ARHGAP24: variants seen among roughly 807,000 people sequenced by gnomAD.
The protein encoded by ARHGAP24 is rho GTPase-activating protein 24.
Under a neutral mutation model 76.4 loss-of-function variants are expected in ARHGAP24, and 50 were observed. That is an observed-to-expected ratio of 0.65 (90% CI 0.52 to 0.83). ARHGAP24 has a LOEUF of 0.83. ARHGAP24 is among the 40% of genes least tolerant of loss of function. The probability of loss-of-function intolerance (pLI) is 0.00; values close to 1 mark genes in which losing one functional copy is unlikely to be tolerated. For synonymous variants in ARHGAP24, 345 were observed against 323.3 expected (o/e 1.07, Z -0.72); for missense variants, 930 against 914.2 (o/e 1.02, Z -0.22).
intron 2 of ARHGAP24, among the ~76,000 whole-genome samples, chr4:85,624,105 A>C (rs969575719): frequency 9.9e-5 from 15 of 152,128 alleles, no homozygotes; most frequent in African/African-American, 2.4e-4. Context: ...TTGCCCTGGT[A>C]AGAACTTCCA....
intron 5 of ARHGAP24, among the ~76,000 whole-genome samples, chr4:85,965,362 C>T (rs1218281953): frequency 6.6e-6 from 1 of 152,080 alleles, no homozygotes; most frequent in Non-Finnish European, 1.5e-5. Context: ...ACACTGGGTC[C>T]CTCCCACAAC....
chr4:85,725,724 G>T (rs1725143767), intron 3 of ARHGAP24, among the ~76,000 whole-genome samples: 2 of 152,348 alleles, frequency 1.3e-5, no homozygotes, highest in East Asian at 1.9e-4. Flanking sequence ...AGTCCTGTTG[G>T]ATGGGATACA....
chr4:85,568,311 G>C (rs544069881), intron 1 of ARHGAP24, among the ~76,000 whole-genome samples: 3 of 151,524 alleles, frequency 2.0e-5, no homozygotes, highest in Admixed American at 1.3e-4. Flanking sequence ...TGTTTGTTGC[G>C]GGGGGGAGGG....
chr4:85,662,361 GTTGT>G (rs1451882541), intron 2 of ARHGAP24, among the ~76,000 whole-genome samples: 1 of 151,088 alleles, frequency 6.6e-6, no homozygotes, highest in Admixed American at 6.6e-5. Flanking sequence ...TTTTGATGGG[GTTGT>G]TTGTTTTTTT....
chr4:85,543,115 G>A (rs1411033990), intron 1 of ARHGAP24, among the ~76,000 whole-genome samples: 1 of 152,166 alleles, frequency 6.6e-6, no homozygotes, highest in East Asian at 1.9e-4. Flanking sequence ...GACAGATTTG[G>A]AAGACTCCCT....
rs547154260 is a variant in ARHGAP24, at chr4:85,899,681, C to G, written c.269-23967C>G. ...AACAGTAAATTTGTAAGTGTAGCTT[C>G]TTTCCAGTGCTGTTCAAAACCCCAA... On this transcript the variant is annotated intron_variant, in intron 3 of 9. Coordinates refer to ENST00000395184, the MANE Select transcript of ARHGAP24 (RefSeq NM_001025616.3). Among the ~76,000 whole-genome samples, 16 of 152,308 alleles carry G rather than the reference C, an allele frequency of 1.1e-4. No individual in the cohort carries two copies. The South Asian group carries it at 2.7e-3, about 26-fold the overall frequency.
At chr4:85,693,181 A>G (rs1723735121) in intron 2 of ARHGAP24, among the ~76,000 whole-genome samples, 1 of 152,118 alleles carries the variant, frequency 6.6e-6, no homozygotes, top group African/African-American at 2.4e-5. Flanking sequence ...CTTTCCTCAC[A>G]TTTATTGCTG....
chr4:85,667,905 C>T (rs76363179), intron 2 of ARHGAP24, among the ~76,000 whole-genome samples: 4,456 of 152,176 alleles, frequency 0.029, 201 homozygotes, highest in African/African-American at 0.1. Context: ...AAAGGAAATA[C>T]ACTTAAATTG....
chr4:85,547,091 CCA>C (rs1725949554), intron 1 of ARHGAP24, among the ~76,000 whole-genome samples: 1 of 152,068 alleles, frequency 6.6e-6, no homozygotes, highest in Non-Finnish European at 1.5e-5. Flanking sequence ...ATTATCTATT[CCA>C]CAGTTTATAT....
intron 3 of ARHGAP24, among the ~76,000 whole-genome samples, chr4:85,781,640 G>A (rs1727560429): frequency 6.6e-6 from 1 of 152,104 alleles, no homozygotes; most frequent in Non-Finnish European, 1.5e-5. Context: ...ATCAGATGGT[G>A]TATATGACAA....
intron 3 of ARHGAP24, among the ~76,000 whole-genome samples, chr4:85,909,286 G>A (rs1021516414): frequency 6.7e-6 from 1 of 150,126 alleles, no homozygotes. Context: ...GATTTATATG[G>A]GTTTTCTTTT....
At chr4:85,615,450 T>C (rs1287914103) in intron 2 of ARHGAP24, among the ~76,000 whole-genome samples, 2 of 152,164 alleles carry the variant, frequency 1.3e-5, no homozygotes, top group African/African-American at 4.8e-5. Context: ...AATATTCAGC[T>C]TACCTGTGCG....
At chr4:85,882,051 GA>G (rs1363528708) in intron 3 of ARHGAP24, among the ~76,000 whole-genome samples, 2 of 152,032 alleles carry the variant, frequency 1.3e-5, no homozygotes, top group African/African-American at 2.4e-5. Flanking sequence ...TTTGATGGGG[GA>G]AATAAAAATC....
At chr4:85,928,438 T>G (rs1291043027) in intron 4 of ARHGAP24, among the ~76,000 whole-genome samples, 2 of 152,014 alleles carry the variant, frequency 1.3e-5, no homozygotes, top group Non-Finnish European at 2.9e-5. Flanking sequence ...GAGTGAAAAT[T>G]CATTAATAGT....
At chr4:85,627,789 C>T (rs1721015438) in intron 2 of ARHGAP24, among the ~76,000 whole-genome samples, 1 of 152,214 alleles carries the variant, frequency 6.6e-6, no homozygotes. Context: ...GGTGCCCTTT[C>T]CCCAGCCTGG....
rs115030488 is a variant in ARHGAP24 at position 85,525,726 on chromosome 4, T to C, written c.-20-44796T>C. ...AGAAGAAGAGATGATATGGCATGGCTGTCTCATTACATACCTGTCACAAAT... is the reference window on the plus strand; with the variant it reads ...AGAAGAAGAGATGATATGGCATGGCCGTCTCATTACATACCTGTCACAAAT... On this transcript the variant is annotated intron_variant, in intron 1 of 9. Transcript: ENST00000395184. Among the ~76,000 whole-genome samples, 1,047 of 152,306 alleles carry C rather than the reference T, an allele frequency of 6.9e-3. 3 individuals are homozygous for C. Among genetic ancestry groups the C allele is most frequent in the Non-Finnish European group, 0.011 (769 of 68,020 alleles).
intron 2 of ARHGAP24, among the ~76,000 whole-genome samples, chr4:85,694,826 A>G (rs996514253): frequency 1.3e-5 from 2 of 152,156 alleles, no homozygotes; most frequent in Non-Finnish European, 2.9e-5. Flanking sequence ...AATTATATCA[A>G]TGGATCTTCA....
At chr4:85,851,374 C>T (rs2110162716) in intron 3 of ARHGAP24, among the ~76,000 whole-genome samples, 1 of 152,292 alleles carries the variant, frequency 6.6e-6, no homozygotes, top group African/African-American at 2.4e-5. Context: ...CTGAATACAG[C>T]ACGTTGATGG....
chr4:85,785,653 T>G (rs1727804129), intron 3 of ARHGAP24, among the ~76,000 whole-genome samples: 1 of 152,180 alleles, frequency 6.6e-6, no homozygotes, highest in Non-Finnish European at 1.5e-5. Context: ...AACAAGCAAC[T>G]GGAGTAGCCA....
Sources: gnomAD v4.1 joint callset for allele counts (sites outside exome capture counted in the v4.1 genomes callset) on GRCh38, gnomAD v4.1.1 for gene constraint, MANE v1.5 for transcripts, NCBI Gene and HGNC (gene_info 2026-07-23, HGNC 2026-07-21) for gene names.